Variants in RP2 observed in about 807,000 individuals in gnomAD.
RP2 encodes RP2 activator of ARL3 GTPase.
A neutral mutation model predicts 20.3 loss-of-function variants in RP2; 3 were observed. That is an observed-to-expected ratio of 0.15 (90% confidence interval 0.07 to 0.38). RP2 has a LOEUF of 0.38. RP2 is among the 10% of genes least tolerant of loss of function. RP2 has a pLI of 1.00. For missense variants in RP2, 233 were observed against 268.5 expected, an observed-to-expected ratio of 0.87 and a Z score of 0.92; for synonymous variants, 75 against 94.8, an observed-to-expected ratio of 0.79 and a Z score of 1.22.
intron 1 of RP2, among the ~76,000 whole-genome samples, chrX:46,847,822 G>GTGTA (rs1569531419): frequency 9.0e-4 from 82 of 91,598 alleles, no homozygotes; most frequent in African/African-American, 3.4e-3. Flanking sequence ...ACATATATGT[G>GTGTA]TATATGTGTA....
chrX:46,838,776 T>C (rs1327383532), intron 1 of RP2, among the ~76,000 whole-genome samples: 2 of 112,258 alleles, frequency 1.8e-5, no homozygotes, highest in Non-Finnish European at 1.9e-5. Context: ...TTTTTCTTCT[T>C]TTGCCCATTG....
Position 46,853,513 on chromosome X carries a change from A to G in RP2, c.140A>G (p.Asp47Gly). ...PKDYMFSGLK[D>G]ETVGRLPGTV... ...GACTACATGTTCAGTGGACTGAAGG[A>G]TGAAACAGTAGGTCGCTTACCTGGG... The change falls in exon 2 of 5, where the codon GAT (aspartate) becomes GGT (glycine). Residue 47 changes from aspartate (D) to glycine (G), a missense_variant. This residue lies in a region of RP2 where 77 missense variants were observed against 71.8 expected (regional missense o/e 1.07). Coordinates refer to ENST00000218340, the MANE Select transcript of RP2 (RefSeq NM_006915.3). 1 of 1,211,046 alleles carries G rather than the reference A, an allele frequency of 8.3e-7. No homozygotes were observed. Among genetic ancestry groups the G allele is most frequent in the Non-Finnish European group, 1.1e-6 (1 of 895,006 alleles).
intron 3 of RP2, among the ~76,000 whole-genome samples, chrX:46,861,893 A>G (rs1485320844): frequency 1.8e-5 from 2 of 111,959 alleles, no homozygotes; most frequent in South Asian, 3.7e-4. Context: ...CTATGCATCC[A>G]TATTGTTAAA....
intron 3 of RP2, among the ~76,000 whole-genome samples, chrX:46,866,928 C>T (rs1320859541): frequency 9.0e-6 from 1 of 111,503 alleles, no homozygotes; most frequent in Non-Finnish European, 1.9e-5. Flanking sequence ...AGTCAGTCAA[C>T]CACAACTCCT....
intron 2 of RP2, among the ~76,000 whole-genome samples, chrX:46,857,697 A>G (rs926933665): frequency 8.9e-6 from 1 of 112,499 alleles, no homozygotes; most frequent in Non-Finnish European, 1.9e-5. Flanking sequence ...AGTTACCACT[A>G]TTTTCAAGTC....
At chrX:46,862,667 C>A (rs1925097529) in intron 3 of RP2, among the ~76,000 whole-genome samples, 4 of 110,177 alleles carry the variant, frequency 3.6e-5, no homozygotes, top group Admixed American at 2.9e-4. Flanking sequence ...CTCAAAAAAA[C>A]AAACAAACAA....
At chrX:46,843,308 A>G (rs1924659215) in intron 1 of RP2, among the ~76,000 whole-genome samples, 2 of 111,404 alleles carry the variant, frequency 1.8e-5, no homozygotes, top group African/African-American at 3.3e-5. Flanking sequence ...CGACTGGCCT[A>G]TGTTTAACTT....
At chrX:46,842,505 A>C (rs1556315106) in intron 1 of RP2, among the ~76,000 whole-genome samples, 1 of 112,026 alleles carries the variant, frequency 8.9e-6, no homozygotes, top group African/African-American at 3.2e-5. Context: ...AAATAAATTT[A>C]GTTTAAAAAT....
chrX:46,871,047 T>G (rs1925282612), intron 3 of RP2, among the ~76,000 whole-genome samples: 2 of 99,735 alleles, frequency 2.0e-5, no homozygotes, highest in Admixed American at 1.1e-4. Context: ...TTTTTTTTTT[T>G]GTGAGATGGA....
At chrX:46,845,590 G>C (rs1396226775) in intron 1 of RP2, among the ~76,000 whole-genome samples, 1 of 111,558 alleles carries the variant, frequency 9.0e-6, no homozygotes, top group Non-Finnish European at 1.9e-5. Flanking sequence ...TGTATAGTCA[G>C]TTTGCTCCTT....
At chrX:46,870,809 G>T (rs1925277128) in intron 3 of RP2, among the ~76,000 whole-genome samples, 1 of 111,315 alleles carries the variant, frequency 9.0e-6, no homozygotes, top group African/African-American at 3.3e-5. Flanking sequence ...TTAGCAAGTA[G>T]GTAAATTTGA....
chrX:46,847,677 G>A (rs976440629), intron 1 of RP2, among the ~76,000 whole-genome samples: 9 of 87,501 alleles, frequency 1.0e-4, no homozygotes, highest in Non-Finnish European at 2.2e-5. Context: ...TATCTATATC[G>A]ATCACACTAT....
In RP2 at chrX:46,870,078, A is replaced by G. The variant is rs1247487444; in HGVS notation, c.884-7427A>G. Among the ~76,000 whole-genome samples, 5 of 111,788 alleles carry G rather than the reference A, an allele frequency of 4.5e-5. No homozygotes were observed. The East Asian group carries it at 1.1e-3, about 25-fold the overall frequency. Reference sequence around the variant, plus strand: ...CACAACTTTCCTCAGTTTAGGAGCCATTAGACAGCACTTCAGCACTGTGTT... The same window carrying G: ...CACAACTTTCCTCAGTTTAGGAGCCGTTAGACAGCACTTCAGCACTGTGTT... On this transcript the variant is annotated intron_variant, in intron 3 of 4. Coordinates refer to ENST00000218340, the MANE Select transcript of RP2 (RefSeq NM_006915.3).
intron 3 of RP2, among the ~76,000 whole-genome samples, chrX:46,872,467 T>C (rs1292929704): frequency 1.8e-5 from 2 of 112,231 alleles, no homozygotes; most frequent in Non-Finnish European, 3.8e-5. Flanking sequence ...CTTAATCTTG[T>C]CTATTGACAT....
intron 1 of RP2, among the ~76,000 whole-genome samples, chrX:46,843,949 A>G (rs943730046): frequency 5.4e-5 from 6 of 111,018 alleles, no homozygotes; most frequent in African/African-American, 2.0e-4. Flanking sequence ...GCTGGGATTA[A>G]AAGCAAGAGC....
intron 3 of RP2, among the ~76,000 whole-genome samples, chrX:46,864,763 A>G (rs996711486): frequency 8.9e-6 from 1 of 111,830 alleles, no homozygotes; most frequent in Non-Finnish European, 1.9e-5. Context: ...GAAATCTTTG[A>G]GATGTACCCT....
In RP2 at chrX:46,837,167, C is replaced by T. The variant is rs200053312; in HGVS notation, c.67C>T (p.Arg23Trp). ...GTCGCGGCCCGAGAACGAGGAGGAGCGGCCAAAGCAGTACAGCTGGGATCA... is the reference window on the plus strand; with the variant it reads ...GTCGCGGCCCGAGAACGAGGAGGAGTGGCCAAAGCAGTACAGCTGGGATCA... ...KESRPENEEE[R>W]PKQYSWDQRE... Residue 23 changes from arginine (R) to tryptophan (W), a missense_variant, in exon 1 of 5, where the codon CGG (arginine) becomes TGG (tryptophan). Around this residue, in one of 3 missense-constraint regions of RP2, gnomAD observed 77 missense variants for 71.8 expected, o/e 1.07. Coordinates refer to ENST00000218340, the MANE Select transcript of RP2 (RefSeq NM_006915.3). 45 of 1,168,895 alleles carry T rather than the reference C, an allele frequency of 3.8e-5. No homozygotes were observed. Among genetic ancestry groups the T allele is most frequent in the African/African-American group, 9.0e-5 (5 of 55,725 alleles).
At chrX:46,858,492 A>G (rs1556319582) in intron 2 of RP2, among the ~76,000 whole-genome samples, 1 of 110,059 alleles carries the variant, frequency 9.1e-6, no homozygotes, top group African/African-American at 3.3e-5. Flanking sequence ...TTTTTTAAAG[A>G]CAAGGTTTTG....
chrX:46,850,875 T>C (rs1287214701), intron 1 of RP2, among the ~76,000 whole-genome samples: 3 of 111,941 alleles, frequency 2.7e-5, no homozygotes, highest in African/African-American at 9.7e-5. Flanking sequence ...TAAAACAATG[T>C]CTGGCTCATA....
Sources: gnomAD v4.1 joint callset for allele counts (sites outside exome capture counted in the v4.1 genomes callset) on GRCh38, gnomAD v4.1.1 for gene constraint, gnomAD v4.1.1 regional missense constraint, MANE v1.5 for transcripts, NCBI Gene and HGNC (gene_info 2026-07-23, HGNC 2026-07-21) for gene names.